Variants in UCHL3 observed in about 807,000 individuals in gnomAD.
The protein encoded by UCHL3 is ubiquitin C-terminal hydrolase L3.
Under a neutral mutation model 35.8 loss-of-function variants are expected in UCHL3, and 22 were observed. That is an observed-to-expected ratio of 0.61 (90% CI 0.44 to 0.88). The LOEUF is 0.88. Ranked by LOEUF, UCHL3 falls within the 40% of genes least tolerant of loss-of-function variation. The pLI, the probability that UCHL3 is intolerant of heterozygous loss-of-function variation, is 0.00. For missense variants in UCHL3, 229 were observed against 276.9 expected (o/e 0.83, Z 1.23); for synonymous variants, 90 against 92.8 (o/e 0.97, Z 0.17).
At chr13:75,560,725 T>C (rs1322800179) in intron 2 of UCHL3, 28 bp from the exon 3 acceptor site, 2 of 1,521,652 alleles carry the variant, frequency 1.3e-6, no homozygotes, top group Admixed American at 2.1e-5. Context: ...TGTTCCATTG[T>C]TTTTTTTTTC....
chr13:75,593,326 T>C (rs1321529574), intron 6 of UCHL3, among the ~76,000 whole-genome samples: 2 of 152,138 alleles, frequency 1.3e-5, no homozygotes, highest in Non-Finnish European at 2.9e-5. Context: ...AATGGAGATA[T>C]TAGACTGAGG....
chr13:75,564,699 G>C (rs1367937426), intron 3 of UCHL3, among the ~76,000 whole-genome samples: 1 of 151,448 alleles, frequency 6.6e-6, no homozygotes, highest in African/African-American at 2.4e-5. Flanking sequence ...GTGTTGTGTT[G>C]TTATCATTTG....
chr13:75,577,612 T>A (rs893393265), intron 6 of UCHL3, among the ~76,000 whole-genome samples: 3 of 152,164 alleles, frequency 2.0e-5, no homozygotes, highest in African/African-American at 7.2e-5. Context: ...AAGTTCCAAT[T>A]TCATATGGTT....
At chr13:75,578,937 A>G (rs2032103176) in intron 6 of UCHL3, among the ~76,000 whole-genome samples, 1 of 152,102 alleles carries the variant, frequency 6.6e-6, no homozygotes, top group Admixed American at 6.5e-5. Flanking sequence ...TGGCCCAGCC[A>G]GTACAGACTG....
At chr13:75,564,093 G>C (rs2138482389) in intron 3 of UCHL3, among the ~76,000 whole-genome samples, 1 of 152,010 alleles carries the variant, frequency 6.6e-6, no homozygotes, top group Non-Finnish European at 1.5e-5. Flanking sequence ...ATGGACATTT[G>C]GTTTGTTTCC....
intron 2 of UCHL3, among the ~76,000 whole-genome samples, chr13:75,553,233 T>G (rs577690324): frequency 6.6e-6 from 1 of 152,350 alleles, no homozygotes; most frequent in East Asian, 1.9e-4. Context: ...GTTTTCCTTC[T>G]TTGTAAACTT....
chr13:75,570,679 C>G (rs1209012624), intron 6 of UCHL3, among the ~76,000 whole-genome samples: 1 of 152,172 alleles, frequency 6.6e-6, no homozygotes, highest in African/African-American at 2.4e-5. Flanking sequence ...AAAGTTAAAG[C>G]AGAAGGATCG....
chr13:75,598,743 A>C (rs1359436144), intron 7 of UCHL3, among the ~76,000 whole-genome samples: 2 of 152,186 alleles, frequency 1.3e-5, no homozygotes, highest in Non-Finnish European at 2.9e-5. Flanking sequence ...AGTGACTTTT[A>C]GGTAGTTTCT....
chr13:75,577,950 G>T (rs1044527736), intron 6 of UCHL3, among the ~76,000 whole-genome samples: 2 of 151,810 alleles, frequency 1.3e-5, no homozygotes, highest in Middle Eastern at 3.2e-3. Flanking sequence ...TAAGTTTGTT[G>T]TACTGCCCAG....
intron 7 of UCHL3, among the ~76,000 whole-genome samples, chr13:75,599,418 A>G (rs1172472062): frequency 6.6e-6 from 1 of 152,152 alleles, no homozygotes; most frequent in African/African-American, 2.4e-5. Context: ...TACTTTACAT[A>G]TATTTCATTT....
At position 75,605,808 on chromosome 13, in the gene UCHL3, C is replaced by T. The variant is rs757164158; in HGVS notation, c.689C>T (p.Ala230Val). ...LRFNAIALSA[A>V] ...TTTAATGCGATTGCTCTTTCTGCAG[C>T]ATAGCTTGTCAATAATGGAAACACC... Residue 230 changes from alanine to valine, a missense_variant, in exon 9 of 9, where the codon GCA (alanine) becomes GTA (valine). Coordinates refer to ENST00000377595, the MANE Select transcript of UCHL3 (RefSeq NM_006002.5). 2 of 1,613,906 alleles carry T rather than the reference C, an allele frequency of 1.2e-6. No individual in the cohort carries two copies. Among genetic ancestry groups the T allele is most frequent in the Non-Finnish European group, 1.7e-6 (2 of 1,179,936 alleles).
At chr13:75,551,172 G>A (rs1244806363) in intron 2 of UCHL3, among the ~76,000 whole-genome samples, 1 of 152,200 alleles carries the variant, frequency 6.6e-6, no homozygotes, top group Non-Finnish European at 1.5e-5. Flanking sequence ...GCTCACGCCT[G>A]TAATCCTAGC....
intron 7 of UCHL3, among the ~76,000 whole-genome samples, chr13:75,597,631 CA>C (rs2032677691): frequency 6.6e-6 from 1 of 152,124 alleles, no homozygotes; most frequent in South Asian, 2.1e-4. Context: ...AGGTTATATG[CA>C]AATACTATAC....
At chr13:75,592,429 T>TGTATATAC (rs777910997) in intron 6 of UCHL3, among the ~76,000 whole-genome samples, 6,140 of 85,474 alleles carry the variant, frequency 0.072, 691 homozygotes, top group South Asian at 0.16. Context: ...TATATATATA[T>TGTATATAC]ATATATATAT....
intron 7 of UCHL3, among the ~76,000 whole-genome samples, chr13:75,600,451 C>T (rs185790811): frequency 4.8e-4 from 73 of 152,280 alleles, no homozygotes; most frequent in African/African-American, 1.7e-3. Flanking sequence ...CGGTGACTTT[C>T]AGTTGAAGCC....
chr13:75,566,983 T>C, intron 4 of UCHL3, 132 bp downstream of exon 4: 5 of 1,074,312 alleles, frequency 4.7e-6, no homozygotes, highest in Non-Finnish European at 6.6e-6. Flanking sequence ...ATGATGGGAA[T>C]GTATATACTG....
Position 75,569,442 on chromosome 13 carries a change from C to A in UCHL3, c.427-18C>A. 1 of 1,599,306 alleles carries A rather than the reference C, an allele frequency of 6.3e-7. No homozygotes were observed. Among genetic ancestry groups the A allele is most frequent in the Admixed American group, 1.7e-5 (1 of 57,632 alleles). The stretch of plus-strand genomic sequence containing the variant: ...GTATAGGCATTTTTTCCAATGAATA[C>A]CTTTATTCTTATTACAGGCCATCCG... On this transcript the variant is annotated intron_variant, in intron 5 of 8. Transcript: ENST00000377595.
chr13:75,599,526 C>G (rs1234509840), intron 7 of UCHL3, among the ~76,000 whole-genome samples: 1 of 152,136 alleles, frequency 6.6e-6, no homozygotes, highest in Admixed American at 6.5e-5. Context: ...CTGTGTCACG[C>G]TTTGGTAATT....
At chr13:75,585,533 A>T (rs1269033242) in intron 6 of UCHL3, among the ~76,000 whole-genome samples, 1 of 152,166 alleles carries the variant, frequency 6.6e-6, no homozygotes, top group Non-Finnish European at 1.5e-5. Context: ...CATTATGCTG[A>T]AACAGTACAA....
Sources: gnomAD v4.1 joint callset for allele counts (sites outside exome capture counted in the v4.1 genomes callset) on GRCh38, gnomAD v4.1.1 for gene constraint, MANE v1.5 for transcripts, NCBI Gene and HGNC (gene_info 2026-07-23, HGNC 2026-07-21) for gene names.